The following RABGGTB variants were observed in gnomAD, a reference collection of about 807,000 sequenced individuals.
The protein encoded by RABGGTB is Rab geranylgeranyltransferase subunit beta.
Under a neutral mutation model 44.5 loss-of-function variants are expected in RABGGTB, and 20 were observed. That is an observed-to-expected ratio of 0.45 (90% CI 0.32 to 0.65). RABGGTB has a LOEUF of 0.65. Among genes scored for constraint, RABGGTB ranks in the 30% least tolerant of loss-of-function variants. The probability of loss-of-function intolerance (pLI) is 0.05; values close to 1 mark genes in which losing one functional copy is unlikely to be tolerated. For missense variants in RABGGTB, 302 were observed against 398.7 expected, an observed-to-expected ratio of 0.76 and a Z score of 2.06; for synonymous variants, 128 against 136.7, an observed-to-expected ratio of 0.94 and a Z score of 0.44.
Position 75,787,895 on chromosome 1 carries a change from T to G in RABGGTB, c.111+291T>G, listed in dbSNP as rs777774244. The G allele has an allele frequency of 1.8e-5, 11 of 622,694 alleles. No individual in the cohort carries two copies. The East Asian group carries it at 4.0e-4, about 23-fold the overall frequency. 38.6% of individuals were successfully genotyped at this position (622,694 alleles called of 1,614,324 possible). On this transcript the variant is annotated intron_variant, in intron 2 of 8. Coordinates refer to ENST00000319942, the MANE Select transcript of RABGGTB (RefSeq NM_004582.4). The stretch of plus-strand genomic sequence containing the variant: ...TTAGGGGTAATACTTTCAAGGTCAA[T>G]GATGTGTTGGCATGTATTATCTGAA...
At position 75,794,717 on chromosome 1, in the gene RABGGTB, A is replaced by G; in HGVS notation, c.*67A>G. 1 of 1,356,928 alleles carries G rather than the reference A, an allele frequency of 7.4e-7. No individual in the cohort carries two copies. The highest frequency in any genetic ancestry group is 9.8e-7 in the Non-Finnish European group (1 of 1,020,152). 84.1% of individuals were successfully genotyped at this position (1,356,928 alleles called of 1,614,324 possible). A position where few individuals can be genotyped will look rare whatever the true frequency, so the allele number is the denominator to read the frequency against. ...TAACATTTCTGTATTTGAAGTGCTT[A>G]TCGAATCTAAAAGTGACTACTGTTA... On this transcript the variant is annotated 3_prime_UTR_variant, in exon 9 of 9. Transcript: ENST00000319942.
chr1:75,793,761 T>G (rs1396505374), intron 7 of RABGGTB: 1 of 219,502 alleles, frequency 4.6e-6, no homozygotes, highest in Non-Finnish European at 8.9e-6. Context: ...TACTGCTAGC[T>G]TCTTGGTTAA....
rs776784865 is a variant in RABGGTB at position 75,794,626 on chromosome 1, T to C, written c.972T>C (p.Asn324=). 6 of 1,611,234 alleles carry C rather than the reference T, an allele frequency of 3.7e-6. No homozygotes were observed. The South Asian group carries it at 5.5e-5, about 15-fold the overall frequency. The change falls in exon 9 of 9, where the codon AAT becomes AAC. Residue 324 remains asparagine, a synonymous_variant. Coordinates refer to ENST00000319942, the MANE Select transcript of RABGGTB (RefSeq NM_004582.4). ...CMPEEVLQRV[N]VQPELVS is the part of the protein sequence containing the mutation. ...CTGAAGAAGTGCTTCAGAGAGTGAA[T>C]GTTCAGCCTGAGCTAGTGAGCTAGA...
chr1:75,792,127 A>T lies in RABGGTB; in HGVS notation c.580-54A>T, dbSNP rs974982287. 19 of 1,474,244 alleles carry T rather than the reference A, an allele frequency of 1.3e-5. No individual in the cohort carries two copies. In the African/African-American group the frequency reaches 2.2e-4, roughly 17 times the overall value. The allele number at this position is 1,474,244 out of a possible 1,614,324, so 91.3% of individuals were successfully genotyped here. ...GTGTTTTAATAATTTGAGTTTTATCACTTTTAATGTCAAGAAATTATTATA... is the reference window on the plus strand; with the variant it reads ...GTGTTTTAATAATTTGAGTTTTATCTCTTTTAATGTCAAGAAATTATTATA... On this transcript the variant is annotated intron_variant, in intron 6 of 8. Transcript: ENST00000319942.
At chr1:75,790,316 A>G in intron 4 of RABGGTB, 1 of 1,239,030 alleles carries the variant, frequency 8.1e-7, no homozygotes, top group South Asian at 4.0e-5. Context: ...GGCTTTGTAA[A>G]GTTTTTTAAA....
intron 7 of RABGGTB, 47 bp from the exon 8 acceptor site, chr1:75,794,037 A>C (rs1003250419): frequency 3.5e-6 from 5 of 1,437,738 alleles, no homozygotes; most frequent in Non-Finnish European, 4.7e-6. Context: ...TCTCAAAATT[A>C]GGGAAATAAA....
In RABGGTB at chr1:75,792,171, G is replaced by A. The variant is rs765647181; in HGVS notation, c.580-10G>A. 1.8e-5 allele frequency: 28 copies of A among 1,593,746 alleles called. No homozygotes were observed. The highest frequency in any genetic ancestry group is 2.4e-5 in the Non-Finnish European group (28 of 1,162,074). ...TATTATACACATAAACTTTATGTCT[G>A]TAATTTTAGATCTATTGTTGCACAG... is the stretch of plus-strand genomic sequence containing the variant. On this transcript the variant is annotated splice_polypyrimidine_tract_variant and intron_variant, in intron 6 of 8. Transcript: ENST00000319942.
At chr1:75,786,413 A>C (rs1570926035) in intron 1 of RABGGTB, 139 bp downstream of exon 1, 2 of 1,238,752 alleles carry the variant, frequency 1.6e-6, no homozygotes, top group East Asian at 4.7e-5. Context: ...AGGTTTTTTG[A>C]GTGTGAAATA....
chr1:75,788,873 TTC>T, intron 2 of RABGGTB: 1 of 400,232 alleles, frequency 2.5e-6, no homozygotes, highest in Non-Finnish European at 4.5e-6. Context: ...GTAGATGTTT[TTC>T]TGTCTCTGGC....
At position 75,789,289 on chromosome 1, in the gene RABGGTB, A is replaced by G; in HGVS notation, c.242A>G (p.Glu81Gly). ...GCATTTATTAAGTCTTGCCAACATG[A>G]ATGTGGTGGAATAAGTGCTAGTATC... is the stretch of plus-strand genomic sequence containing the variant. ...ILAFIKSCQHECGGISASIGH... is the reference protein window; with the variant it reads ...ILAFIKSCQHGCGGISASIGH... Residue 81 changes from glutamate to glycine, a missense_variant, in exon 3 of 9, where the codon GAA (glutamate) becomes GGA (glycine). Around this residue, in one of 2 missense-constraint regions of RABGGTB, gnomAD observed 213 missense variants for 323.7 expected, o/e 0.66. Transcript: ENST00000319942. 1 of 1,614,112 alleles carries G rather than the reference A, an allele frequency of 6.2e-7. No homozygotes were observed. The highest frequency in any genetic ancestry group is 1.1e-5 in the South Asian group (1 of 91,076).
In RABGGTB at chr1:75,791,194, A is replaced by G. The variant is rs929519773; in HGVS notation, c.416-91A>G. ...AAAGTGAAAGTTAAGCTTGAACTCAATTTAAAGTGGTAGTTGTGCAGTGTT... is the reference window on the plus strand; with the variant it reads ...AAAGTGAAAGTTAAGCTTGAACTCAGTTTAAAGTGGTAGTTGTGCAGTGTT... On this transcript the variant is annotated intron_variant, in intron 4 of 8. Coordinates refer to ENST00000319942, the MANE Select transcript of RABGGTB (RefSeq NM_004582.4). 1.2e-5 allele frequency: 14 copies of G among 1,123,680 alleles called. No individual in the cohort carries two copies. The African/African-American group carries it at 2.2e-4, about 17-fold the overall frequency. The allele number at this position is 1,123,680 out of a possible 1,614,324, so 69.6% of individuals were successfully genotyped here. A position where few individuals can be genotyped will look rare whatever the true frequency, so the allele number is the denominator to read the frequency against.
At chr1:75,790,322 T>G in intron 4 of RABGGTB, 1 of 1,242,822 alleles carries the variant, frequency 8.0e-7, no homozygotes, top group Non-Finnish European at 1.0e-6. Flanking sequence ...GTAAAGTTTT[T>G]TAAAAACTAC....
In RABGGTB at chr1:75,786,262, C is replaced by A; in HGVS notation, c.-10C>A. On this transcript the variant is annotated 5_prime_UTR_variant, in exon 1 of 9. Coordinates refer to ENST00000319942, the MANE Select transcript of RABGGTB (RefSeq NM_004582.4). ...GGAACTGACCCTGCTCTCTCCTTTC[C>A]CTGTTAGACATGGTAAGTGTGAGTT... 6.2e-7 allele frequency: 1 copy of A among 1,614,202 alleles called. No individual in the cohort carries two copies. Among genetic ancestry groups the A allele is most frequent in the South Asian group, 1.1e-5 (1 of 91,084 alleles).
chr1:75,789,051 GGA>G, intron 2 of RABGGTB, 106 bp from the exon 3 acceptor site: 1 of 969,634 alleles, frequency 1.0e-6, no homozygotes, highest in African/African-American at 1.6e-5. Context: ...GTTAAGGTCA[GGA>G]GAGGTAAAAA....
In RABGGTB at chr1:75,786,667, A is replaced by G. The variant is rs1649496893; in HGVS notation, c.3+393A>G. ...GGATCAGAAGAAAATTCGGTACTTA[A>G]TCACTTCCGGTAATCTTCATGACCT... is the stretch of plus-strand genomic sequence containing the variant. On this transcript the variant is annotated intron_variant, in intron 1 of 8. Coordinates refer to ENST00000319942, the MANE Select transcript of RABGGTB (RefSeq NM_004582.4). 3 of 259,528 alleles carry G rather than the reference A, an allele frequency of 1.2e-5. No individual in the cohort carries two copies. The South Asian group carries it at 1.4e-4, about 12-fold the overall frequency. The allele number at this position is 259,528 out of a possible 1,614,324, so 16.1% of individuals were successfully genotyped here. A position where few individuals can be genotyped will look rare whatever the true frequency, so the allele number is the denominator to read the frequency against.
At chr1:75,787,242 T>C (rs1007895112) in intron 1 of RABGGTB, 60 of 638,710 alleles carry the variant, frequency 9.4e-5, no homozygotes, top group Non-Finnish European at 3.5e-5. Context: ...TTGTTTTGGT[T>C]TTGTTTTTGA....
chr1:75,792,869 C>T (rs988881463), intron 7 of RABGGTB, among the ~76,000 whole-genome samples: 9 of 152,262 alleles, frequency 5.9e-5, no homozygotes, highest in African/African-American at 2.2e-4. Flanking sequence ...TGCTCTGTTG[C>T]CCAGGCTGGA....
At chr1:75,790,895 G>A (rs369324169) in intron 4 of RABGGTB, among the ~76,000 whole-genome samples, 1 of 151,864 alleles carries the variant, frequency 6.6e-6, no homozygotes, top group East Asian at 1.9e-4. Flanking sequence ...CTCCTGCCTC[G>A]GCCACCAAAA....
intron 3 of RABGGTB, 174 bp downstream of exon 3, chr1:75,789,530 A>G (rs1048814094): frequency 2.5e-6 from 2 of 803,908 alleles, no homozygotes; most frequent in Non-Finnish European, 4.4e-6. Context: ...TGTGAGTTCT[A>G]AAATTACACT....
Sources: allele counts gnomAD v4.1 joint callset (sites outside exome capture counted in the v4.1 genomes callset), GRCh38; gene constraint gnomAD v4.1.1; regional missense constraint gnomAD v4.1.1; transcripts MANE v1.5; gene names NCBI Gene and HGNC (gene_info 2026-07-23, HGNC 2026-07-21).